CACNA1D: variants seen among roughly 807,000 people sequenced by gnomAD.
CACNA1D encodes the protein voltage-dependent L-type calcium channel subunit alpha-1D.
CACNA1D carries 55 observed loss-of-function variants against 257.1 expected under a neutral mutation model. The observed-to-expected ratio is 0.21, with a 90% confidence interval of 0.17 to 0.27. CACNA1D has a LOEUF of 0.27. Among genes scored for constraint, CACNA1D ranks in the 10% least tolerant of loss-of-function variants. CACNA1D has a pLI of 1.00. For synonymous variants in CACNA1D, 980 were observed against 1,014.9 expected, an observed-to-expected ratio of 0.97 and a Z score of 0.65; for missense variants, 1,876 against 2,784.0, an observed-to-expected ratio of 0.67 and a Z score of 7.34.
chr3:53,514,180 C>G (rs1007835900), intron 3 of CACNA1D, among the ~76,000 whole-genome samples: 1 of 152,030 alleles, frequency 6.6e-6, no homozygotes, highest in Non-Finnish European at 1.5e-5. Context: ...ATTGCTTGCA[C>G]GAGGCCGTGC....
At chr3:53,701,006 G>A (rs1439377726) in intron 8 of CACNA1D, among the ~76,000 whole-genome samples, 1 of 151,758 alleles carries the variant, frequency 6.6e-6, no homozygotes, top group Non-Finnish European at 1.5e-5. Flanking sequence ...GGCAGAGGGT[G>A]GCACTTGGTG....
At position 53,800,908 on chromosome 3, in the gene CACNA1D, C is replaced by T; in HGVS notation, c.5041-150C>T. 2.6e-6 allele frequency: 2 copies of T among 772,190 alleles called. No homozygotes were observed. Among genetic ancestry groups the T allele is most frequent in the Non-Finnish European group, 4.5e-6 (2 of 446,166 alleles). 47.8% of individuals were successfully genotyped at this position (772,190 alleles called of 1,614,324 possible). ...ACCAACTGCCACACAGTCACATTCA[C>T]CCTGATCATTGAGACACTCAGATTG... On this transcript the variant is annotated intron_variant, in intron 41 of 47. Coordinates refer to ENST00000350061, the MANE Select transcript of CACNA1D (RefSeq NM_001128840.3). This position sits in a 1 kb window ranked among gnomAD's most constrained non-coding sequence, Gnocchi z 4.3.
intron 10 of CACNA1D, 131 bp from the exon 11 acceptor site, chr3:53,719,624 C>A: frequency 1.2e-6 from 1 of 850,666 alleles, no homozygotes; most frequent in Non-Finnish European, 2.1e-6. Flanking sequence ...CCCTGCTGGC[C>A]TGCTGTGGTA....
chr3:53,670,839 C>T (rs922545790), intron 7 of CACNA1D, among the ~76,000 whole-genome samples: 7 of 152,238 alleles, frequency 4.6e-5, no homozygotes, highest in East Asian at 1.9e-4. Context: ...TCTATTTTCA[C>T]GTGGGTATTT....
chr3:53,799,561 ATCT>A (rs1448197599), intron 40 of CACNA1D, among the ~76,000 whole-genome samples: 2 of 152,138 alleles, frequency 1.3e-5, no homozygotes, highest in East Asian at 3.9e-4. Context: ...GTTTGTTGTG[ATCT>A]TCAAAAAGCG....
rs866486824 is a variant in CACNA1D, at chr3:53,694,869, G to A, written c.1221-7772G>A. 3.3e-5 allele frequency among the ~76,000 whole-genome samples: 5 copies of A among 152,292 alleles called. No homozygotes were observed. The Middle Eastern group carries it at 0.017, about 522-fold the overall frequency. The stretch of plus-strand genomic sequence containing the variant: ...TGCAGTCACAGGTGAAGGACCCTGG[G>A]CGATGCAGTCACAGTGGGGTGGGCT... On this transcript the variant is annotated intron_variant, in intron 8 of 47. Coordinates refer to ENST00000350061, the MANE Select transcript of CACNA1D (RefSeq NM_001128840.3).
intron 3 of CACNA1D, among the ~76,000 whole-genome samples, chr3:53,555,267 G>T (rs1380937909): frequency 6.6e-6 from 1 of 152,154 alleles, no homozygotes; most frequent in Admixed American, 6.5e-5. Context: ...TTATGGCCCT[G>T]TATTTTACAA....
At chr3:53,599,593 C>G (rs546078422) in intron 3 of CACNA1D, among the ~76,000 whole-genome samples, 36 of 152,264 alleles carry the variant, frequency 2.4e-4, no homozygotes, top group Non-Finnish European at 4.6e-4. Context: ...CAATTTACTT[C>G]CCATCTCTAA....
At position 53,808,670 on chromosome 3, in the gene CACNA1D, A is replaced by T; in HGVS notation, c.5771A>T (p.Asn1924Ile). The change falls in exon 46 of 48, where the codon AAC (asparagine) becomes ATC (isoleucine). Residue 1924 changes from asparagine (N) to isoleucine (I), a missense_variant. By Grantham distance (149) the Asn-to-Ile change is moderately radical. Around this residue, in one of 10 missense-constraint regions of CACNA1D, gnomAD observed 491 missense variants for 554.3 expected, o/e 0.89. Transcript: ENST00000350061. Reference protein sequence around the residue: ...TPASHRRSSFNFECLRRQSSQ... With the variant: ...TPASHRRSSFIFECLRRQSSQ... ...CCAGCCCACCGGAGATCCTCCTTCAACTTTGAGTGCCTGCGCCGGCAGAGC... is the reference window on the plus strand; with the variant it reads ...CCAGCCCACCGGAGATCCTCCTTCATCTTTGAGTGCCTGCGCCGGCAGAGC... 1 of 1,609,036 alleles carries T rather than the reference A, an allele frequency of 6.2e-7. No individual in the cohort carries two copies. The highest frequency in any genetic ancestry group is 8.5e-7 in the Non-Finnish European group (1 of 1,179,926).
chr3:53,746,548 T>C (rs1395619896), intron 25 of CACNA1D, among the ~76,000 whole-genome samples: 1 of 152,166 alleles, frequency 6.6e-6, no homozygotes, highest in Non-Finnish European at 1.5e-5. Flanking sequence ...CTGACTGGGC[T>C]CTGGCTGACT....
chr3:53,802,286 TATC>T (rs2095540210), intron 43 of CACNA1D, 113 bp downstream of exon 43: 2 of 926,114 alleles, frequency 2.2e-6, no homozygotes, highest in Admixed American at 1.7e-5. Flanking sequence ...TATTAAAGGT[TATC>T]ATAATTCATG....
chr3:53,696,137 A>G (rs1248509563), intron 8 of CACNA1D, among the ~76,000 whole-genome samples: 1 of 152,056 alleles, frequency 6.6e-6, no homozygotes, highest in Non-Finnish European at 1.5e-5. Flanking sequence ...CTAACTTAAA[A>G]AAAATTATTT....
At chr3:53,695,854 C>A (rs1193507338) in intron 8 of CACNA1D, among the ~76,000 whole-genome samples, 1 of 152,194 alleles carries the variant, frequency 6.6e-6, no homozygotes, top group Non-Finnish European at 1.5e-5. Flanking sequence ...GGAGTCCTAT[C>A]AAATTTCTGT....
chr3:53,710,711 C>T (rs568356947), intron 9 of CACNA1D, among the ~76,000 whole-genome samples: 1 of 135,648 alleles, frequency 7.4e-6, no homozygotes, highest in East Asian at 2.4e-4. Context: ...GCTGAACCAA[C>T]TCAAAAAATG....
intron 3 of CACNA1D, among the ~76,000 whole-genome samples, chr3:53,532,756 CTT>C (rs1225731423): frequency 6.6e-6 from 1 of 152,086 alleles, no homozygotes; most frequent in Non-Finnish European, 1.5e-5. Flanking sequence ...GAGGTAGACA[CTT>C]TTTTAGCTGG....
chr3:53,747,352 G>T lies in CACNA1D; in HGVS notation c.3218G>T (p.Arg1073Leu). ...GGGGATGTTGACAGTCCTGTGGTCC[G>T]TGAACGGATCTGGCAAAACAGTGAT... ...KDGDVDSPVV[R>L]ERIWQNSDFN... Residue 1073 changes from arginine (R) to leucine (L), a missense_variant, in exon 26 of 48, where the codon CGT (arginine) becomes CTT (leucine). Around this residue, in one of 10 missense-constraint regions of CACNA1D, gnomAD observed 271 missense variants for 425.5 expected, o/e 0.64. Transcript: ENST00000350061. 1 of 1,613,890 alleles carries T rather than the reference G, an allele frequency of 6.2e-7. No individual in the cohort carries two copies. Among genetic ancestry groups the T allele is most frequent in the Non-Finnish European group, 8.5e-7 (1 of 1,179,740 alleles).
At chr3:53,599,708 C>T (rs2093417454) in intron 3 of CACNA1D, among the ~76,000 whole-genome samples, 1 of 152,146 alleles carries the variant, frequency 6.6e-6, no homozygotes, top group African/African-American at 2.4e-5. Context: ...TACATGAATT[C>T]TCTATATGGG....
intron 31 of CACNA1D, among the ~76,000 whole-genome samples, chr3:53,770,219 C>CA (rs1309198985): frequency 6.6e-6 from 1 of 152,236 alleles, no homozygotes; most frequent in Non-Finnish European, 1.5e-5. Flanking sequence ...CGTGGACATG[C>CA]ATGTGCTGTG....
intron 3 of CACNA1D, among the ~76,000 whole-genome samples, chr3:53,519,964 G>A (rs146451078): frequency 4.9e-4 from 74 of 152,254 alleles, no homozygotes; most frequent in African/African-American, 1.6e-3. Context: ...TCATACTATC[G>A]TGTGTATCAC....
Sources: gnomAD v4.1 joint callset for allele counts (sites outside exome capture counted in the v4.1 genomes callset) on GRCh38, gnomAD v4.1.1 for gene constraint, gnomAD v4.1.1 regional missense constraint, Gnocchi (gnomAD v3.1) non-coding constraint, MANE v1.5 for transcripts, NCBI Gene and HGNC (gene_info 2026-07-23, HGNC 2026-07-21) for gene names.